The following GABRE variants were observed in gnomAD, a reference collection of about 807,000 sequenced individuals.
GABRE encodes gamma-aminobutyric acid receptor subunit epsilon.
Under a neutral mutation model 31.0 loss-of-function variants are expected in GABRE, and 20 were observed. The ratio of observed to expected loss-of-function variants is 0.64; its 90% CI spans 0.45 to 0.94. The LOEUF is 0.94. GABRE is among the 40% of genes least tolerant of loss of function. The pLI, the probability that GABRE is intolerant of heterozygous loss-of-function variation, is 0.00. For synonymous variants in GABRE, 155 were observed against 150.6 expected (o/e 1.03, Z -0.21); for missense variants, 420 against 410.7 (o/e 1.02, Z -0.20).
intron 3 of GABRE, among the ~76,000 whole-genome samples, chrX:151,964,819 C>T (rs958961669): frequency 1.7e-4 from 19 of 111,323 alleles, no homozygotes; most frequent in Admixed American, 4.8e-4. Context: ...CATGTAGTCC[C>T]GGCACTTTGG....
chrX:151,959,557 A>T (rs1934288110), intron 6 of GABRE: 1 of 418,588 alleles, frequency 2.4e-6, no homozygotes, highest in East Asian at 5.8e-5. Flanking sequence ...AAGGGTCTGC[A>T]TGAAAAAGCC....
intron 1 of GABRE, chrX:151,971,106 T>C: frequency 1.2e-6 from 1 of 827,474 alleles, no homozygotes; most frequent in South Asian, 4.0e-5. Context: ...TAAACAAAAA[T>C]GTTAAAGGCC....
chrX:151,955,356 C>A lies in GABRE; in HGVS notation c.1137+12G>T. The A allele has an allele frequency of 2.5e-6, 3 of 1,211,323 alleles. No homozygotes were observed. Among genetic ancestry groups the A allele is most frequent in the Non-Finnish European group, 3.4e-6 (3 of 895,037 alleles). On this transcript the variant is annotated intron_variant, in intron 8 of 8. Transcript: ENST00000370328. ...CCAAAGCCTTGCCACCACTCCCATA[C>A]CCAGCTCATACATGGCGGAGTTTAG... is the stretch of plus-strand genomic sequence containing the variant.
intron 6 of GABRE, 172 bp from the exon 7 acceptor site, chrX:151,956,032 C>T (rs909285688): frequency 2.1e-6 from 1 of 480,119 alleles, no homozygotes; most frequent in Non-Finnish European, 3.5e-6. Context: ...AGAAAAAAGA[C>T]TTACTGCAAG....
Position 151,954,928 on chromosome X carries a change from C to T in GABRE, c.1294G>A (p.Gly432Ser), listed in dbSNP as rs1295113431. Residue 432 changes from glycine (G) to serine (S), a missense_variant, in exon 9 of 9, where the codon GGT becomes AGT. By Grantham distance (56) the Gly-to-Ser change is moderately conservative. Coordinates refer to ENST00000370328, the MANE Select transcript of GABRE (RefSeq NM_004961.4). ...SCSAQQPPSPGSPEGPRSLCS... is the reference protein window; with the variant it reads ...SCSAQQPPSPSSPEGPRSLCS... ...AGGCTGCGGGGACCCTCAGGGCTAC[C>T]TGGGCTAGGGGGCTGCTGGGCTGAG... 8.3e-7 allele frequency: 1 copy of T among 1,210,188 alleles called. No homozygotes were observed. The highest frequency in any genetic ancestry group is 2.2e-5 in the Admixed American group (1 of 45,888).
At chrX:151,968,612 A>T (rs948357519) in intron 3 of GABRE, among the ~76,000 whole-genome samples, 2 of 111,666 alleles carry the variant, frequency 1.8e-5, no homozygotes, top group Non-Finnish European at 3.8e-5. Context: ...GTATGCCAAA[A>T]TTTTGTTTGC....
chrX:151,963,863 G>C (rs1277260796), intron 3 of GABRE, among the ~76,000 whole-genome samples: 1 of 112,384 alleles, frequency 8.9e-6, no homozygotes. Flanking sequence ...TTCCTTATAA[G>C]TGAGAATAAG....
chrX:151,962,595 GGC>G lies in GABRE; in HGVS notation c.389_390del (p.Arg130ProfsTer8). On this transcript the variant is annotated frameshift_variant, in exon 4 of 9. Transcript: ENST00000370328. LOFTEE classifies it high-confidence loss of function. ...IIFSQTWYDERLCYNDTFESL... is the reference protein window; with the variant it reads ...IIFSQTWYDEXLCYNDTFESL... ...GACTCAAAGGTGTCGTTGTAACAGA[GGC>G]GTTCGTCGTACCAGGTCTGGGAGAA... The G allele has an allele frequency of 8.3e-7, 1 of 1,211,334 alleles. No individual in the cohort carries two copies. The highest frequency in any genetic ancestry group is 1.8e-5 in the South Asian group (1 of 56,936).
chrX:151,955,925 T>C, intron 6 of GABRE, 65 bp from the exon 7 acceptor site: 1 of 1,090,140 alleles, frequency 9.2e-7, no homozygotes, highest in South Asian at 2.0e-5. Context: ...TAGCAGGACG[T>C]GAACAGTAAG....
chrX:151,974,490 GGGGTCCC>G, intron 1 of GABRE, 73 bp downstream of exon 1: 1 of 673,322 alleles, frequency 1.5e-6, no homozygotes, highest in South Asian at 3.0e-5. Flanking sequence ...CGGGGCCGCT[GGGGTCCC>G]GGGAGCCGTC....
chrX:151,955,484 C>T lies in GABRE; in HGVS notation c.1021G>A (p.Asp341Asn). 8.3e-7 allele frequency: 1 copy of T among 1,211,706 alleles called. No homozygotes were observed. Among genetic ancestry groups the T allele is most frequent in the Non-Finnish European group, 1.1e-6 (1 of 895,243 alleles). Residue 341 changes from aspartate (D) to asparagine (N), a missense_variant, in exon 8 of 9, where the codon GAT (aspartate) becomes AAT (asparagine). Physicochemically the swap from Asp to Asn is conservative, Grantham distance 23. Coordinates refer to ENST00000370328, the MANE Select transcript of GABRE (RefSeq NM_004961.4). ...FPRVSYITAL[D>N]FYIAICFVFC... is the part of the protein sequence containing the mutation. Reference sequence around the variant, plus strand: ...ACGAAGCAGATGGCGATATAGAAATCCAAGGCTGTGATATAGGAGACACGC... The same window carrying T: ...ACGAAGCAGATGGCGATATAGAAATTCAAGGCTGTGATATAGGAGACACGC...
rs781039865 is a variant in GABRE, at chrX:151,974,654, G to A, written c.-29C>T. On this transcript the variant is annotated 5_prime_UTR_variant, in exon 1 of 9. Coordinates refer to ENST00000370328, the MANE Select transcript of GABRE (RefSeq NM_004961.4). ...CGCGGAGACCGGCGCGACCACCTGC[G>A]CGGAGGTCGCGGCTCACGCTCTGGC... 36 of 1,097,871 alleles carry A rather than the reference G, an allele frequency of 3.3e-5. 1 individual carries two copies. In the South Asian group the frequency reaches 6.8e-4, roughly 21 times the overall value. The allele number at this position is 1,097,871 out of a possible 1,213,427, so 90.5% of individuals were successfully genotyped here.
rs1392576092 is a variant in GABRE, at chrX:151,953,640, T to C, written c.*1061A>G. The C allele has an allele frequency of 8.9e-6, 1 of 112,003 alleles. No homozygotes were observed. Among genetic ancestry groups the C allele is most frequent in the Non-Finnish European group, 1.9e-5 (1 of 53,212 alleles). The allele number at this position is 112,003 out of a possible 1,213,427, so 9.2% of individuals were successfully genotyped here. On this transcript the variant is annotated 3_prime_UTR_variant, in exon 9 of 9. Coordinates refer to ENST00000370328, the MANE Select transcript of GABRE (RefSeq NM_004961.4). ...GCCAAAGTTCCAGTGCCATACAAAT[T>C]TAAGGGAATTTGATTGATTGATTGT...
chrX:151,966,752 A>G (rs1368460345), intron 3 of GABRE, among the ~76,000 whole-genome samples: 4 of 112,073 alleles, frequency 3.6e-5, no homozygotes, highest in African/African-American at 6.5e-5. Context: ...TTAACACCAC[A>G]TGTGAGGGTT....
At chrX:151,972,669 C>G in intron 1 of GABRE, 1 of 752,494 alleles carries the variant, frequency 1.3e-6, no homozygotes, top group Non-Finnish European at 1.6e-6. Context: ...AAAATGATAT[C>G]AGAGGGTCAT....
chrX:151,969,546 C>T (rs1418870810), intron 3 of GABRE, 123 bp downstream of exon 3: 1 of 674,274 alleles, frequency 1.5e-6, no homozygotes, highest in Non-Finnish European at 2.0e-6. Context: ...ATCCCTTTCT[C>T]CCTCCAGAAA....
chrX:151,969,178 C>T (rs1321278683), intron 3 of GABRE, among the ~76,000 whole-genome samples: 1 of 111,057 alleles, frequency 9.0e-6, no homozygotes, highest in African/African-American at 3.3e-5. Context: ...GCTGGGACTG[C>T]AGGAGGTGCA....
At chrX:151,964,843 A>T (rs1177559202) in intron 3 of GABRE, among the ~76,000 whole-genome samples, 1 of 111,781 alleles carries the variant, frequency 8.9e-6, no homozygotes, top group African/African-American at 3.3e-5. Context: ...GCACATGTTT[A>T]AGGTTTGTGT....
chrX:151,965,075 C>T (rs2124171522), intron 3 of GABRE, among the ~76,000 whole-genome samples: 1 of 111,121 alleles, frequency 9.0e-6, no homozygotes, highest in South Asian at 3.8e-4. Flanking sequence ...GGCTCGAACA[C>T]GGGAGGCGGA....
Sources: allele counts gnomAD v4.1 joint callset (sites outside exome capture counted in the v4.1 genomes callset), GRCh38; gene constraint gnomAD v4.1.1; transcripts MANE v1.5; gene names NCBI Gene and HGNC (gene_info 2026-07-23, HGNC 2026-07-21).